POLR3B: variants seen among roughly 807,000 people sequenced by gnomAD.
POLR3B encodes the protein DNA-directed RNA polymerase III subunit RPC2.
POLR3B carries 96 observed loss-of-function variants against 147.4 expected under a neutral mutation model. That is an observed-to-expected ratio of 0.65 (90% CI 0.55 to 0.77). POLR3B has a LOEUF of 0.77. Among genes scored for constraint, POLR3B ranks in the 30% least tolerant of loss-of-function variants. POLR3B has a pLI of 0.00. For missense variants in POLR3B, 1,036 were observed against 1,413.5 expected, an observed-to-expected ratio of 0.73 and a Z score of 4.28; for synonymous variants, 461 against 485.9, an observed-to-expected ratio of 0.95 and a Z score of 0.67.
intron 12 of POLR3B, among the ~76,000 whole-genome samples, chr12:106,418,375 G>A (rs369013594): frequency 2.0e-5 from 3 of 152,244 alleles, no homozygotes; most frequent in South Asian, 2.1e-4. Flanking sequence ...AAAGAATGCC[G>A]TCTTGACTTC....
At chr12:106,477,921 T>TG (rs71442027) in intron 23 of POLR3B, among the ~76,000 whole-genome samples, 1 of 111,180 alleles carries the variant, frequency 9.0e-6, no homozygotes, top group Admixed American at 9.0e-5. Context: ...TTTTTTTTTT[T>TG]GGAGACAGAG....
intron 11 of POLR3B, among the ~76,000 whole-genome samples, chr12:106,408,110 A>G (rs1373379772): frequency 6.6e-6 from 1 of 152,228 alleles, no homozygotes; most frequent in Non-Finnish European, 1.5e-5. Flanking sequence ...ATGTGATTTT[A>G]TGGTATTATT....
intron 23 of POLR3B, among the ~76,000 whole-genome samples, chr12:106,466,944 T>TGGTTCCATA (rs2038014240): frequency 6.6e-6 from 1 of 152,258 alleles, no homozygotes; most frequent in Non-Finnish European, 1.5e-5. Flanking sequence ...GGCTCTTTTT[T>TGGTTCCATA]GGTTCCATAT....
chr12:106,363,767 G>T, intron 1 of POLR3B, 103 bp from the exon 2 acceptor site: 1 of 952,070 alleles, frequency 1.1e-6, no homozygotes, highest in Non-Finnish European at 1.7e-6. Flanking sequence ...TATTCTTTTT[G>T]TTTTGATTTA....
intron 9 of POLR3B, among the ~76,000 whole-genome samples, chr12:106,391,216 C>T (rs566940153): frequency 7.9e-4 from 120 of 152,290 alleles, no homozygotes; most frequent in Middle Eastern, 3.4e-3. Context: ...TTCTCACCAC[C>T]GGACCTTGCC....
chr12:106,386,518 ATCT>A (rs2036840751), intron 9 of POLR3B, among the ~76,000 whole-genome samples: 1 of 152,132 alleles, frequency 6.6e-6, no homozygotes, highest in Non-Finnish European at 1.5e-5. Flanking sequence ...AATGCATATA[ATCT>A]TCTATCACTC....
At chr12:106,490,249 G>A (rs2038389968) in intron 23 of POLR3B, among the ~76,000 whole-genome samples, 1 of 152,088 alleles carries the variant, frequency 6.6e-6, no homozygotes, top group African/African-American at 2.4e-5. Flanking sequence ...TTAAGCTCTT[G>A]ACACATTCAG....
In POLR3B at chr12:106,504,394, C is replaced by T; in HGVS notation, c.3272+140C>T. On this transcript the variant is annotated intron_variant, in intron 27 of 27. Coordinates refer to ENST00000228347, the MANE Select transcript of POLR3B (RefSeq NM_018082.6). This position sits in a 1 kb window ranked among gnomAD's most constrained non-coding sequence, Gnocchi z 4.6. ...CATACCCTCCCTCATGCATGTATTC[C>T]TGTCATTGGGGATACTCTGTGTACA... The T allele has an allele frequency of 1.3e-6, 1 of 746,718 alleles. No individual in the cohort carries two copies. The highest frequency in any genetic ancestry group is 1.4e-5 in the South Asian group (1 of 68,992). The allele number at this position is 746,718 out of a possible 1,614,324, so 46.3% of individuals were successfully genotyped here.
chr12:106,425,314 C>G (rs567119840), intron 12 of POLR3B, among the ~76,000 whole-genome samples: 1 of 152,322 alleles, frequency 6.6e-6, no homozygotes, highest in East Asian at 1.9e-4. Flanking sequence ...AGATGCTTCT[C>G]CCTCCTCTTC....
intron 15 of POLR3B, among the ~76,000 whole-genome samples, chr12:106,433,218 GC>G (rs2037533074): frequency 6.6e-6 from 1 of 152,232 alleles, no homozygotes. Flanking sequence ...CATTGAGTGA[GC>G]TTTTACTCTG....
At chr12:106,401,234 T>A (rs1482715806) in intron 10 of POLR3B, among the ~76,000 whole-genome samples, 5 of 152,176 alleles carry the variant, frequency 3.3e-5, no homozygotes, top group Non-Finnish European at 5.9e-5. Flanking sequence ...AAGAAATGGA[T>A]AAACTCCTCG....
At chr12:106,415,830 A>T (rs1312008190) in intron 12 of POLR3B, among the ~76,000 whole-genome samples, 2 of 152,236 alleles carry the variant, frequency 1.3e-5, no homozygotes, top group Non-Finnish European at 2.9e-5. Context: ...AAAGATTTGC[A>T]GTGAAAAGTG....
chr12:106,416,210 G>A (rs1430805090), intron 12 of POLR3B, among the ~76,000 whole-genome samples: 3 of 152,132 alleles, frequency 2.0e-5, no homozygotes, highest in African/African-American at 7.2e-5. Flanking sequence ...TTTGACTTAA[G>A]GGGGAATTTA....
chr12:106,492,091 A>G (rs1181426390), intron 23 of POLR3B, among the ~76,000 whole-genome samples: 1 of 151,994 alleles, frequency 6.6e-6, no homozygotes, highest in Non-Finnish European at 1.5e-5. Flanking sequence ...TGCAGTTGCC[A>G]TTTGCTTTCC....
At chr12:106,484,883 C>T (rs2038316785) in intron 23 of POLR3B, among the ~76,000 whole-genome samples, 1 of 151,906 alleles carries the variant, frequency 6.6e-6, no homozygotes, top group African/African-American at 2.4e-5. Flanking sequence ...GAAAAAAGGC[C>T]AGTCTGGCCA....
At chr12:106,434,036 G>A (rs2037544146) in intron 16 of POLR3B, among the ~76,000 whole-genome samples, 164 bp downstream of exon 16, 2 of 152,124 alleles carry the variant, frequency 1.3e-5, no homozygotes, top group Admixed American at 6.5e-5. Context: ...ATTAGGTACC[G>A]AGGATTCAGA....
At chr12:106,365,076 A>C (rs1375569316) in intron 2 of POLR3B, among the ~76,000 whole-genome samples, 1 of 152,158 alleles carries the variant, frequency 6.6e-6, no homozygotes, top group Admixed American at 6.5e-5. Context: ...CAGAGGTTGC[A>C]GTGAGCCGAG....
chr12:106,406,153 A>T (rs1046370056), intron 11 of POLR3B, among the ~76,000 whole-genome samples, 177 bp downstream of exon 11: 4 of 152,214 alleles, frequency 2.6e-5, no homozygotes, highest in Non-Finnish European at 5.9e-5. Flanking sequence ...TTATACTCGG[A>T]GAATGTTAGC....
At chr12:106,380,208 AGATTTG>A (rs2036741123) in intron 9 of POLR3B, 69 bp downstream of exon 9, 1 of 871,864 alleles carries the variant, frequency 1.1e-6, no homozygotes, top group Non-Finnish European at 1.9e-6. Flanking sequence ...ATGTAATTAG[AGATTTG>A]GAGGGTAAGG....
Sources: allele counts gnomAD v4.1 joint callset (sites outside exome capture counted in the v4.1 genomes callset), GRCh38; gene constraint gnomAD v4.1.1; non-coding constraint Gnocchi (gnomAD v3.1); transcripts MANE v1.5; gene names NCBI Gene and HGNC (gene_info 2026-07-23, HGNC 2026-07-21).